RALGPS1: variants seen among roughly 807,000 people sequenced by gnomAD.
The protein encoded by RALGPS1 is ras-specific guanine nucleotide-releasing factor RalGPS1.
A neutral mutation model predicts 78.8 loss-of-function variants in RALGPS1; 19 were observed. The ratio of observed to expected loss-of-function variants is 0.24; its 90% CI spans 0.17 to 0.35. The LOEUF is 0.35. RALGPS1 is among the 10% of genes least tolerant of loss of function. The pLI is 1.00. For synonymous variants in RALGPS1, 228 were observed against 256.3 expected (o/e 0.89, Z 1.06); for missense variants, 454 against 688.3 (o/e 0.66, Z 3.81).
chr9:126,972,940 T>G (rs2040259816), intron 3 of RALGPS1, among the ~76,000 whole-genome samples: 1 of 152,150 alleles, frequency 6.6e-6, no homozygotes, highest in Non-Finnish European at 1.5e-5. Flanking sequence ...CGCACACGTG[T>G]AGTCCCAGCT....
At chr9:127,126,873 G>A (rs1182253301) in intron 8 of RALGPS1, among the ~76,000 whole-genome samples, 1 of 151,934 alleles carries the variant, frequency 6.6e-6, no homozygotes, top group Admixed American at 6.6e-5. Flanking sequence ...CTTGATTATG[G>A]GTCATATTGT....
intron 3 of RALGPS1, among the ~76,000 whole-genome samples, chr9:126,974,743 C>G (rs1180695258): frequency 6.6e-6 from 1 of 152,048 alleles, no homozygotes; most frequent in Non-Finnish European, 1.5e-5. Context: ...TCGCTCAGCC[C>G]CACTACTGGC....
Position 126,979,563 on chromosome 9 carries a change from C to T in RALGPS1, c.216+1818C>T, listed in dbSNP as rs148876251. Reference sequence around the variant, plus strand: ...TTCTTCATCCGAACATCAAGGAGGGCAGCCCACCTGCCGTGAGCCCTGAAC... The same window carrying T: ...TTCTTCATCCGAACATCAAGGAGGGTAGCCCACCTGCCGTGAGCCCTGAAC... On this transcript the variant is annotated intron_variant, in intron 4 of 18. Coordinates refer to ENST00000259351, the MANE Select transcript of RALGPS1 (RefSeq NM_014636.3). 5.0e-3 allele frequency among the ~76,000 whole-genome samples: 764 copies of T among 152,268 alleles called. 5 individuals are homozygous for T. The highest frequency in any genetic ancestry group is 0.017 in the African/African-American group (696 of 41,568).
chr9:127,012,906 G>C (rs78523403), intron 4 of RALGPS1, among the ~76,000 whole-genome samples: 1 of 152,128 alleles, frequency 6.6e-6, no homozygotes, highest in Admixed American at 6.5e-5. Flanking sequence ...CAGGGAACTC[G>C]AAGATGAATG....
In RALGPS1 at chr9:127,195,079, C is replaced by G. The variant is rs2061283735; in HGVS notation, c.911-12C>G. 2 of 1,613,094 alleles carry G rather than the reference C, an allele frequency of 1.2e-6. No individual in the cohort carries two copies. Among genetic ancestry groups the G allele is most frequent in the Non-Finnish European group, 1.7e-6 (2 of 1,179,772 alleles). On this transcript the variant is annotated splice_polypyrimidine_tract_variant and intron_variant, in intron 11 of 18. Transcript: ENST00000259351. ...ATAACCCCCGTTGTTGCTCTCTCTG[C>G]TCTGTTTGCAGGTCCCTCTGCTGGC...
chr9:127,098,033 T>C lies in RALGPS1; in HGVS notation c.610+28677T>C, dbSNP rs189154822. ...ATCCCTTTCTGTTTCCTTTGATAGA[T>C]GAAAGCTGACATTTTTGAAGTTGTT... On this transcript the variant is annotated intron_variant, in intron 8 of 18. Transcript: ENST00000259351. Among the ~76,000 whole-genome samples the C allele has an allele frequency of 7.2e-5, 11 of 152,356 alleles. No homozygotes were observed. In the East Asian group the frequency reaches 2.1e-3, roughly 29 times the overall value.
chr9:126,959,504 C>T (rs2038676619), intron 1 of RALGPS1, among the ~76,000 whole-genome samples: 1 of 152,248 alleles, frequency 6.6e-6, no homozygotes, highest in African/African-American at 2.4e-5. Flanking sequence ...TGAGACTTCT[C>T]AGCCCGTCTC....
At chr9:127,039,587 C>G (rs1042380038) in intron 5 of RALGPS1, among the ~76,000 whole-genome samples, 1 of 151,978 alleles carries the variant, frequency 6.6e-6, no homozygotes, top group Non-Finnish European at 1.5e-5. Flanking sequence ...GCCAGTGGAC[C>G]TGGAAAAGTT....
chr9:127,020,229 G>T (rs1413940583), intron 4 of RALGPS1, among the ~76,000 whole-genome samples: 1 of 152,034 alleles, frequency 6.6e-6, no homozygotes, highest in African/African-American at 2.4e-5. Context: ...TTTCTTGCAG[G>T]GTTTTTAGCA....
chr9:126,973,374 ATAGG>A (rs759730436), intron 3 of RALGPS1, among the ~76,000 whole-genome samples: 91 of 152,156 alleles, frequency 6.0e-4, no homozygotes, highest in African/African-American at 1.3e-3. Flanking sequence ...TCTCTCTAAA[ATAGG>A]TAGGTAGGTA....
At chr9:127,010,401 C>T (rs574558823) in intron 4 of RALGPS1, among the ~76,000 whole-genome samples, 17 of 152,298 alleles carry the variant, frequency 1.1e-4, no homozygotes, top group African/African-American at 3.9e-4. Context: ...TATTAATTGC[C>T]TGGAGGGTTC....
intron 11 of RALGPS1, among the ~76,000 whole-genome samples, chr9:127,187,987 C>G (rs2060762788): frequency 6.6e-6 from 1 of 151,506 alleles, no homozygotes; most frequent in Admixed American, 6.6e-5. Context: ...CCAGGGGTGG[C>G]CCAAGAAACT....
chr9:127,050,839 TCATGTGTG>T (rs1038518036), intron 6 of RALGPS1, among the ~76,000 whole-genome samples: 5 of 152,220 alleles, frequency 3.3e-5, no homozygotes, highest in Admixed American at 6.5e-5. Context: ...GCTGCTTGCT[TCATGTGTG>T]CATGTGTTGT....
intron 8 of RALGPS1, among the ~76,000 whole-genome samples, chr9:127,121,782 G>T (rs986660703): frequency 6.6e-6 from 1 of 152,300 alleles, no homozygotes; most frequent in African/African-American, 2.4e-5. Context: ...CTCCTCGCCA[G>T]CTGGAGGGTG....
At chr9:126,928,585 T>C (rs1383165650) in intron 1 of RALGPS1, among the ~76,000 whole-genome samples, 2 of 152,006 alleles carry the variant, frequency 1.3e-5, no homozygotes, top group African/African-American at 2.4e-5. Context: ...ATACTACCAG[T>C]GAGGATACTT....
intron 8 of RALGPS1, among the ~76,000 whole-genome samples, chr9:127,140,609 C>T (rs1270572775): frequency 2.6e-5 from 4 of 152,204 alleles, no homozygotes; most frequent in African/African-American, 9.7e-5. Context: ...ATGTGGAGGA[C>T]ACACCTAAAT....
intron 8 of RALGPS1, among the ~76,000 whole-genome samples, chr9:127,137,149 G>A (rs925571359): frequency 2.6e-5 from 4 of 152,198 alleles, no homozygotes; most frequent in African/African-American, 9.7e-5. Context: ...TAAGGGGATG[G>A]CTGTTCTTTT....
intron 1 of RALGPS1, among the ~76,000 whole-genome samples, chr9:126,932,231 G>C (rs948344063): frequency 6.6e-6 from 1 of 152,110 alleles, no homozygotes; most frequent in Non-Finnish European, 1.5e-5. Flanking sequence ...AATGAAGGGG[G>C]AAAAAGACAA....
intron 1 of RALGPS1, among the ~76,000 whole-genome samples, chr9:126,940,353 A>G (rs1588537785): frequency 6.6e-6 from 1 of 151,868 alleles, no homozygotes; most frequent in Non-Finnish European, 1.5e-5. Flanking sequence ...CGATCCTGCC[A>G]CCTGCCACCC....
Sources: allele counts gnomAD v4.1 joint callset (sites outside exome capture counted in the v4.1 genomes callset), GRCh38; gene constraint gnomAD v4.1.1; transcripts MANE v1.5; gene names NCBI Gene and HGNC (gene_info 2026-07-23, HGNC 2026-07-21).